Variants in JAK1 observed in about 807,000 individuals in gnomAD.
The protein encoded by JAK1 is tyrosine-protein kinase JAK1.
Under a neutral mutation model 136.6 loss-of-function variants are expected in JAK1, and 16 were observed. The ratio of observed to expected loss-of-function variants is 0.12; its 90% confidence interval spans 0.08 to 0.18. The LOEUF (loss-of-function observed/expected upper bound fraction) is 0.18. JAK1 is among the 10% of genes least tolerant of loss of function. JAK1 has a pLI of 1.00. For synonymous variants in JAK1, 492 were observed against 519.5 expected, an observed-to-expected ratio of 0.95 and a Z score of 0.72; for missense variants, 859 against 1,450.1, an observed-to-expected ratio of 0.59 and a Z score of 6.62.
intron 1 of JAK1, among the ~76,000 whole-genome samples, chr1:64,956,056 G>A (rs183766375): frequency 1.6e-4 from 24 of 152,360 alleles, no homozygotes; most frequent in African/African-American, 5.5e-4. Context: ...CATACATAAA[G>A]TTGTATTGGA....
chr1:64,841,062 G>C (rs1271890569), intron 19 of JAK1, among the ~76,000 whole-genome samples, 183 bp downstream of exon 19: 1 of 152,180 alleles, frequency 6.6e-6, no homozygotes, highest in Non-Finnish European at 1.5e-5. Context: ...CGTGCCGTGT[G>C]TCACATGGAG....
intron 3 of JAK1, among the ~76,000 whole-genome samples, chr1:64,881,223 C>G (rs776289463): frequency 6.7e-6 from 1 of 149,892 alleles, no homozygotes; most frequent in Non-Finnish European, 1.5e-5. Flanking sequence ...GATGGAACCA[C>G]TGCACTCCAG....
rs537099387 is a variant in JAK1 at position 64,982,201 on chromosome 1, C to T, written c.-78+62279G>A. On this transcript the variant is annotated intron_variant, in intron 2 of 25. Coordinates refer to the JAK1 transcript ENST00000671954. ...GATCAACTGTATTCTTTGAAGATTT[C>T]GAGTGTTAAGTTAAAATCCTCCTTC... Among the ~76,000 whole-genome samples the T allele has an allele frequency of 1.8e-3, 273 of 152,208 alleles. 1 individual carries two copies. The highest frequency in any genetic ancestry group is 6.1e-3 in the African/African-American group (255 of 41,534).
chr1:64,948,414 A>G (rs961502142), intron 1 of JAK1, among the ~76,000 whole-genome samples: 1 of 152,236 alleles, frequency 6.6e-6, no homozygotes, highest in Non-Finnish European at 1.5e-5. Context: ...CACAGCATAA[A>G]GCTGAACAGA....
intron 2 of JAK1, among the ~76,000 whole-genome samples, chr1:65,039,224 A>T (rs1647106295): frequency 6.6e-6 from 1 of 152,208 alleles, no homozygotes; most frequent in Admixed American, 6.5e-5. Flanking sequence ...CAACCTAGAC[A>T]TCCTTTTGAC....
chr1:65,058,441 C>T, intron 1 of JAK1: 1 of 534,376 alleles, frequency 1.9e-6, no homozygotes, highest in Non-Finnish European at 3.8e-6. Flanking sequence ...GGCTGCCATC[C>T]TTCAGTTATC....
chr1:65,025,285 C>A (rs1488400749), intron 2 of JAK1, among the ~76,000 whole-genome samples: 1 of 152,142 alleles, frequency 6.6e-6, no homozygotes, highest in East Asian at 1.9e-4. Flanking sequence ...GGTTAGAGCC[C>A]ACCCGAAACA....
At chr1:64,899,781 C>A (rs1215559006) in intron 1 of JAK1, among the ~76,000 whole-genome samples, 1 of 152,198 alleles carries the variant, frequency 6.6e-6, no homozygotes, top group African/African-American at 2.4e-5. Flanking sequence ...AACAATTTAG[C>A]TCCACTTTCA....
Position 65,056,194 on chromosome 1 carries a change from T to C in JAK1, c.-181+11410A>G, listed in dbSNP as rs562174664. On this transcript the variant is annotated intron_variant, in intron 1 of 25. Coordinates refer to the JAK1 transcript ENST00000671954. ...AAGAATTTCAGGAGTGGTAGCATAA[T>C]AACTGGGGAGACCCCTCTCTCTAAT... Among the ~76,000 whole-genome samples the C allele has an allele frequency of 3.0e-3, 451 of 152,332 alleles. 2 individuals are homozygous for C. The highest frequency in any genetic ancestry group is 9.5e-3 in the African/African-American group (394 of 41,574).
chr1:64,845,036 G>A, intron 15 of JAK1, 147 bp from the exon 16 acceptor site: 1 of 1,090,414 alleles, frequency 9.2e-7, no homozygotes, highest in Non-Finnish European at 1.3e-6. Flanking sequence ...GTGTGACTTA[G>A]GCACATCACA....
At chr1:65,038,155 G>A (rs1466162326) in intron 2 of JAK1, among the ~76,000 whole-genome samples, 1 of 150,478 alleles carries the variant, frequency 6.6e-6, no homozygotes, top group African/African-American at 2.4e-5. Flanking sequence ...TTGGTTTAAT[G>A]CTCTTATGTT....
chr1:64,848,502 C>G (rs1448559929), intron 12 of JAK1, among the ~76,000 whole-genome samples: 1 of 151,770 alleles, frequency 6.6e-6, no homozygotes, highest in African/African-American at 2.4e-5. Context: ...GTGATGTGTC[C>G]TGGATTTCCT....
chr1:65,027,868 C>G (rs138809835), intron 2 of JAK1, among the ~76,000 whole-genome samples: 1 of 152,290 alleles, frequency 6.6e-6, no homozygotes, highest in African/African-American at 2.4e-5. Context: ...TGGGGTGGAT[C>G]CAGACTAGAA....
intron 2 of JAK1, among the ~76,000 whole-genome samples, chr1:64,988,998 G>GTA (rs1445512024): frequency 4.2e-5 from 4 of 95,590 alleles, no homozygotes; most frequent in Non-Finnish European, 5.9e-5. Flanking sequence ...GTGTGTGTGT[G>GTA]TGTGTATATA....
intron 1 of JAK1, among the ~76,000 whole-genome samples, chr1:64,887,785 T>A (rs530376289): frequency 1.3e-5 from 2 of 152,248 alleles, no homozygotes; most frequent in Non-Finnish European, 2.9e-5. Context: ...GAGATAGCAG[T>A]CTCAGCAAAA....
intron 1 of JAK1, among the ~76,000 whole-genome samples, chr1:64,932,340 G>T (rs545861565): frequency 6.3e-4 from 96 of 152,262 alleles, no homozygotes; most frequent in Admixed American, 1.0e-3. Context: ...TTGAACCAGG[G>T]AGTCGGATGT....
intron 1 of JAK1, among the ~76,000 whole-genome samples, chr1:64,898,618 T>G (rs1323432527): frequency 6.6e-6 from 1 of 152,222 alleles, no homozygotes; most frequent in African/African-American, 2.4e-5. Context: ...AACCTGATTT[T>G]GACCCATTTC....
At chr1:65,003,313 C>T (rs1646777858) in intron 2 of JAK1, among the ~76,000 whole-genome samples, 1 of 151,998 alleles carries the variant, frequency 6.6e-6, no homozygotes, top group Non-Finnish European at 1.5e-5. Context: ...CTCGCTGGCC[C>T]GCCAGGTCTA....
chr1:64,884,193 G>GT (rs1466766533), intron 2 of JAK1, among the ~76,000 whole-genome samples: 2 of 152,130 alleles, frequency 1.3e-5, no homozygotes, highest in Non-Finnish European at 2.9e-5. Context: ...TGAAAAGTGC[G>GT]TAAGTAAGTA....
Sources: allele counts gnomAD v4.1 joint callset (sites outside exome capture counted in the v4.1 genomes callset), GRCh38; gene constraint gnomAD v4.1.1; transcripts MANE v1.5; gene names NCBI Gene and HGNC (gene_info 2026-07-23, HGNC 2026-07-21).